DNAAF9: variants seen among roughly 807,000 people sequenced by gnomAD.
DNAAF9 encodes shulin.
A neutral mutation model predicts 167.0 loss-of-function variants in DNAAF9; 90 were observed. The ratio of observed to expected loss-of-function variants is 0.54; its 90% CI spans 0.45 to 0.64. The LOEUF (loss-of-function observed/expected upper bound fraction) is 0.64, where lower values mean the gene tolerates loss of function less well. Ranked by LOEUF, DNAAF9 falls within the 30% of genes least tolerant of loss-of-function variation. The pLI, the probability that DNAAF9 is intolerant of heterozygous loss-of-function variation, is 0.00. For missense variants in DNAAF9, 1,315 were observed against 1,442.2 expected, an observed-to-expected ratio of 0.91 and a Z score of 1.43; for synonymous variants, 491 against 508.8, an observed-to-expected ratio of 0.96 and a Z score of 0.47.
intron 14 of DNAAF9, among the ~76,000 whole-genome samples, chr20:3,322,965 A>G (rs934203156): frequency 6.6e-6 from 1 of 152,020 alleles, no homozygotes; most frequent in African/African-American, 2.4e-5. Context: ...AGAAAATGAC[A>G]TGAGAGGACT....
chr20:3,260,284 A>T (rs1372360749), intron 31 of DNAAF9, among the ~76,000 whole-genome samples: 3 of 152,064 alleles, frequency 2.0e-5, no homozygotes, highest in Non-Finnish European at 4.4e-5. Context: ...GCTTGCAGTG[A>T]GGCGAGATTG....
intron 12 of DNAAF9, among the ~76,000 whole-genome samples, chr20:3,329,133 G>A (rs2069773326): frequency 6.6e-6 from 1 of 152,058 alleles, no homozygotes; most frequent in Admixed American, 6.5e-5. Flanking sequence ...GCCTCCCAAA[G>A]TGCTGGGATT....
chr20:3,372,500 C>T (rs527655565), intron 6 of DNAAF9, among the ~76,000 whole-genome samples: 1 of 152,296 alleles, frequency 6.6e-6, no homozygotes, highest in Admixed American at 6.5e-5. Context: ...ATGTAAAGAT[C>T]TACATTACTT....
At chr20:3,366,806 T>G (rs1451631774) in intron 6 of DNAAF9, among the ~76,000 whole-genome samples, 1 of 151,720 alleles carries the variant, frequency 6.6e-6, no homozygotes, top group Non-Finnish European at 1.5e-5. Context: ...ACCCCTGTAG[T>G]CCCAGCTAGG....
intron 10 of DNAAF9, among the ~76,000 whole-genome samples, chr20:3,333,212 A>T (rs951834965): frequency 6.6e-6 from 1 of 152,150 alleles, no homozygotes; most frequent in Admixed American, 6.6e-5. Context: ...AGAGAAAATA[A>T]GTTCCTCTAG....
At chr20:3,373,982 C>A in intron 6 of DNAAF9, 66 bp downstream of exon 6, 2 of 970,244 alleles carry the variant, frequency 2.1e-6, no homozygotes, top group African/African-American at 1.6e-5. Context: ...TGCACACTCA[C>A]ATGGGTTCTT....
chr20:3,407,248 G>GCAAA (rs2084073910), intron 1 of DNAAF9, among the ~76,000 whole-genome samples: 1 of 152,110 alleles, frequency 6.6e-6, no homozygotes, highest in Non-Finnish European at 1.5e-5. Context: ...GGTTGTCTGT[G>GCAAA]GGGGAGCCAT....
At chr20:3,337,705 G>A (rs537078232) in intron 10 of DNAAF9, among the ~76,000 whole-genome samples, 85 of 150,958 alleles carry the variant, frequency 5.6e-4, no homozygotes, top group Non-Finnish European at 9.3e-4. Flanking sequence ...ATAACTAATC[G>A]AAGTCCACCT....
At chr20:3,332,695 C>A (rs1190954764) in intron 10 of DNAAF9, among the ~76,000 whole-genome samples, 1 of 151,960 alleles carries the variant, frequency 6.6e-6, no homozygotes, top group Non-Finnish European at 1.5e-5. Flanking sequence ...AACTCCCGAC[C>A]TCAGGTTATC....
rs775629210 is a variant in DNAAF9 at position 3,315,111 on chromosome 20, A to G, written c.1600T>C (p.Ser534Pro). 16 of 1,600,660 alleles carry G rather than the reference A, an allele frequency of 1.0e-5. No individual in the cohort carries two copies. The highest frequency in any genetic ancestry group is 1.3e-5 in the Non-Finnish European group (15 of 1,167,916). The change falls in exon 20 of 37, where the codon TCT (serine) becomes CCT (proline). Residue 534 changes from serine (S) to proline (P), a missense_variant. Coordinates refer to ENST00000252032, the MANE Select transcript of DNAAF9 (RefSeq NM_001009984.3). This position sits in a 1 kb window ranked among gnomAD's most constrained non-coding sequence, Gnocchi z 4.1. ...CCTGTTAGATAAGTGCCCAGGAAAGACTCATCCCCCTTTAAAAACAACAAC... is the reference window on the plus strand; with the variant it reads ...CCTGTTAGATAAGTGCCCAGGAAAGGCTCATCCCCCTTTAAAAACAACAAC... ...KTQQAVRGDESFLGTYLTGGE... is the reference protein window; with the variant it reads ...KTQQAVRGDEPFLGTYLTGGE...
At chr20:3,337,247 T>C (rs1245270562) in intron 10 of DNAAF9, among the ~76,000 whole-genome samples, 6 of 151,548 alleles carry the variant, frequency 4.0e-5, no homozygotes, top group East Asian at 1.9e-4. Context: ...CCAAGGGTAT[T>C]TGTAGTTGCT....
intron 6 of DNAAF9, chr20:3,362,055 A>G (rs755723554): frequency 2.0e-5 from 29 of 1,441,440 alleles, no homozygotes; most frequent in Non-Finnish European, 2.7e-5. Context: ...AACTCCATTC[A>G]TATTAATTTT....
chr20:3,314,325 C>G (rs1260629097), intron 20 of DNAAF9, among the ~76,000 whole-genome samples: 2 of 152,056 alleles, frequency 1.3e-5, no homozygotes, highest in African/African-American at 4.8e-5. Context: ...CTGGGATAGG[C>G]AAAAACTTGA....
chr20:3,353,630 C>T (rs910580949), intron 7 of DNAAF9, among the ~76,000 whole-genome samples: 2 of 62,462 alleles, frequency 3.2e-5, no homozygotes, highest in African/African-American at 1.7e-4. Context: ...CCTGTCCCCC[C>T]GCACCACCCC....
Position 3,382,368 on chromosome 20 carries a change from G to A in DNAAF9, c.163+59C>T, listed in dbSNP as rs1234289923. On this transcript the variant is annotated intron_variant, in intron 2 of 36. Coordinates refer to ENST00000252032, the MANE Select transcript of DNAAF9 (RefSeq NM_001009984.3). ...TTGCTACTATTACTAATACCTTCCT[G>A]TGAACAAAAAAAGCCAAGTTGCCCA... 2.3e-6 allele frequency: 3 copies of A among 1,288,734 alleles called. No individual in the cohort carries two copies. The African/African-American group carries it at 4.4e-5, about 19-fold the overall frequency. The allele number at this position is 1,288,734 out of a possible 1,614,324, so 79.8% of individuals were successfully genotyped here.
chr20:3,339,105 A>T (rs1458628259), intron 10 of DNAAF9, among the ~76,000 whole-genome samples: 1 of 152,070 alleles, frequency 6.6e-6, no homozygotes, highest in Admixed American at 6.5e-5. Flanking sequence ...CTTTGCTTCT[A>T]TTACAGTGCT....
Position 3,304,659 on chromosome 20 carries a change from T to C in DNAAF9, c.1679-116A>G, listed in dbSNP as rs889338865. 18 of 631,328 alleles carry C rather than the reference T, an allele frequency of 2.9e-5. No homozygotes were observed. The East Asian group carries it at 4.8e-4, about 17-fold the overall frequency. 39.1% of individuals were successfully genotyped at this position (631,328 alleles called of 1,614,324 possible). A position where few individuals can be genotyped will look rare whatever the true frequency, so the allele number is the denominator to read the frequency against. On this transcript the variant is annotated intron_variant, in intron 20 of 36. Coordinates refer to ENST00000252032, the MANE Select transcript of DNAAF9 (RefSeq NM_001009984.3). ...AGGCCAGTATCAGTAGCAATTACGT[T>C]ATGCGATTTGTATGCTGAGCCCTGT... is the stretch of plus-strand genomic sequence containing the variant.
At chr20:3,299,345 G>A (rs950231481) in intron 21 of DNAAF9, among the ~76,000 whole-genome samples, 1 of 151,696 alleles carries the variant, frequency 6.6e-6, no homozygotes, top group African/African-American at 2.4e-5. Flanking sequence ...CCACTCAGGG[G>A]ACCTGTGCCC....
chr20:3,378,177 C>T (rs982722712), intron 3 of DNAAF9, among the ~76,000 whole-genome samples: 1 of 152,190 alleles, frequency 6.6e-6, no homozygotes, highest in African/African-American at 2.4e-5. Context: ...GGAAACCCCA[C>T]AGCCTAAGGC....
Sources: gnomAD v4.1 joint callset for allele counts (sites outside exome capture counted in the v4.1 genomes callset) on GRCh38, gnomAD v4.1.1 for gene constraint, Gnocchi (gnomAD v3.1) non-coding constraint, MANE v1.5 for transcripts, NCBI Gene and HGNC (gene_info 2026-07-23, HGNC 2026-07-21) for gene names.